Variants in MDGA2 observed in about 807,000 individuals in gnomAD.
MDGA2 encodes the protein MAM domain-containing glycosylphosphatidylinositol anchor protein 2.
MDGA2 carries 40 observed loss-of-function variants against 117.8 expected under a neutral mutation model. The ratio of observed to expected loss-of-function variants is 0.34; its 90% CI spans 0.26 to 0.44. MDGA2 has a LOEUF of 0.44. MDGA2 is among the 20% of genes least tolerant of loss of function. The pLI is 1.00. For missense variants in MDGA2, 1,123 were observed against 1,250.6 expected (o/e 0.90, Z 1.54); for synonymous variants, 452 against 439.0 (o/e 1.03, Z -0.37).
At chr14:47,148,691 A>G (rs1326815495) in intron 3 of MDGA2, among the ~76,000 whole-genome samples, 2 of 152,178 alleles carry the variant, frequency 1.3e-5, no homozygotes, top group African/African-American at 4.8e-5. Context: ...AAATGAGAGA[A>G]TAATTACCAC....
chr14:46,936,347 G>A (rs963442537), intron 9 of MDGA2, among the ~76,000 whole-genome samples: 116 of 152,092 alleles, frequency 7.6e-4, no homozygotes, highest in African/African-American at 2.6e-3. Context: ...CTCCCATGAG[G>A]AACTGCTATT....
At chr14:47,210,880 A>G (rs952077442) in intron 3 of MDGA2, among the ~76,000 whole-genome samples, 8 of 151,956 alleles carry the variant, frequency 5.3e-5, no homozygotes, top group African/African-American at 1.9e-4. Flanking sequence ...GCTATTCAGG[A>G]GCCTGAGGGG....
intron 1 of MDGA2, among the ~76,000 whole-genome samples, chr14:47,653,147 T>C (rs1195001026): frequency 6.6e-6 from 1 of 152,134 alleles, no homozygotes; most frequent in East Asian, 1.9e-4. Flanking sequence ...ACATGTGAAA[T>C]TGCCACAGTT....
chr14:47,166,205 T>C (rs1183411409), intron 3 of MDGA2, among the ~76,000 whole-genome samples: 1 of 151,960 alleles, frequency 6.6e-6, no homozygotes, highest in African/African-American at 2.4e-5. Flanking sequence ...CCGGCTAATT[T>C]TTGTATTTTT....
chr14:47,529,112 T>A (rs1426822310), intron 1 of MDGA2, among the ~76,000 whole-genome samples: 2 of 151,866 alleles, frequency 1.3e-5, no homozygotes, highest in Non-Finnish European at 2.9e-5. Context: ...CATTCTCCTG[T>A]CTCAGCCTCC....
chr14:47,048,524 A>G (rs968222139), intron 7 of MDGA2, among the ~76,000 whole-genome samples: 1 of 152,098 alleles, frequency 6.6e-6, no homozygotes, highest in African/African-American at 2.4e-5. Flanking sequence ...GCTCTCTTAT[A>G]AATGATCACC....
intron 1 of MDGA2, among the ~76,000 whole-genome samples, chr14:47,364,113 C>T (rs1891182011): frequency 1.3e-5 from 2 of 152,140 alleles, no homozygotes; most frequent in Admixed American, 6.6e-5. Flanking sequence ...AGTGTGGCTT[C>T]ACCATCTTTA....
At chr14:47,195,531 A>G (rs768488146) in intron 3 of MDGA2, among the ~76,000 whole-genome samples, 3 of 152,092 alleles carry the variant, frequency 2.0e-5, no homozygotes, top group African/African-American at 2.4e-5. Context: ...ACAAAGTTTA[A>G]TTATCTTCAT....
At chr14:47,072,389 T>C (rs939073591) in intron 6 of MDGA2, among the ~76,000 whole-genome samples, 4 of 152,176 alleles carry the variant, frequency 2.6e-5, no homozygotes, top group African/African-American at 7.2e-5. Flanking sequence ...TAGAGACTTG[T>C]TGGATATAAG....
At chr14:46,939,246 A>G (rs1011900180) in intron 9 of MDGA2, among the ~76,000 whole-genome samples, 4 of 152,192 alleles carry the variant, frequency 2.6e-5, no homozygotes, top group Non-Finnish European at 5.9e-5. Flanking sequence ...ATTTTCTAGT[A>G]GCTAGTAGAC....
chr14:47,247,629 A>T (rs899872042), intron 2 of MDGA2, among the ~76,000 whole-genome samples: 3 of 83,298 alleles, frequency 3.6e-5, no homozygotes, highest in Middle Eastern at 5.2e-3. Context: ...ACATCAGTAC[A>T]TATTTATTAT....
chr14:47,389,617 CACACACA>C (rs1566765648), intron 1 of MDGA2, among the ~76,000 whole-genome samples: 276 of 151,464 alleles, frequency 1.8e-3, no homozygotes, highest in African/African-American at 6.1e-3. Context: ...CACACACACA[CACACACA>C]CACACACACA....
At chr14:47,137,511 C>G (rs1313721743) in intron 4 of MDGA2, among the ~76,000 whole-genome samples, 1 of 152,004 alleles carries the variant, frequency 6.6e-6, no homozygotes, top group African/African-American at 2.4e-5. Context: ...ATACCTCCCC[C>G]TCTCTCTCTT....
At chr14:47,555,232 G>C (rs1316903156) in intron 1 of MDGA2, among the ~76,000 whole-genome samples, 2 of 152,122 alleles carry the variant, frequency 1.3e-5, no homozygotes, top group Non-Finnish European at 2.9e-5. Flanking sequence ...AGTAGTACTA[G>C]AATTAGAACT....
chr14:47,023,940 G>T (rs1261059476), intron 8 of MDGA2, among the ~76,000 whole-genome samples: 5 of 151,746 alleles, frequency 3.3e-5, no homozygotes. Flanking sequence ...CAGAGAAGAA[G>T]AATAAATAGC....
At chr14:47,351,739 T>G (rs553306736) in intron 1 of MDGA2, among the ~76,000 whole-genome samples, 93 of 152,288 alleles carry the variant, frequency 6.1e-4, no homozygotes, top group African/African-American at 2.2e-3. Flanking sequence ...GATTTGCTAA[T>G]GGATATGGAG....
chr14:47,184,134 A>G (rs1428472384), intron 3 of MDGA2, among the ~76,000 whole-genome samples: 1 of 151,964 alleles, frequency 6.6e-6, no homozygotes, highest in Non-Finnish European at 1.5e-5. Context: ...ATGAATGTGG[A>G]ACAAAAACAT....
chr14:47,246,816 C>CACACACACACACAA, intron 2 of MDGA2, among the ~76,000 whole-genome samples: 1 of 150,648 alleles, frequency 6.6e-6, no homozygotes, highest in Non-Finnish European at 1.5e-5. Context: ...CACACACACA[C>CACACACACACACAA]ACACACACAC....
chr14:47,443,145 C>G lies in MDGA2; in HGVS notation c.281-141595G>C, dbSNP rs1177929930. 7.9e-5 allele frequency among the ~76,000 whole-genome samples: 12 copies of G among 152,080 alleles called. No individual in the cohort carries two copies. In the East Asian group the frequency reaches 2.3e-3, roughly 29 times the overall value. ...AGCAAAAAATTGTATGCTGAACTTG[C>G]TAAGATCTACGGTGAGAACAAATCT... On this transcript the variant is annotated intron_variant, in intron 1 of 16. Coordinates refer to ENST00000399232, the MANE Select transcript of MDGA2 (RefSeq NM_001113498.3).
Sources: gnomAD v4.1 joint callset for allele counts (sites outside exome capture counted in the v4.1 genomes callset) on GRCh38, gnomAD v4.1.1 for gene constraint, MANE v1.5 for transcripts, NCBI Gene and HGNC (gene_info 2026-07-23, HGNC 2026-07-21) for gene names.